The following GABRA4 variants were observed in gnomAD, a reference collection of about 807,000 sequenced individuals.
GABRA4 encodes gamma-aminobutyric acid receptor subunit alpha-4.
In GABRA4, 12 loss-of-function variants were observed where a neutral mutation model predicts 49.7. The observed-to-expected ratio is 0.24, with a 90% CI of 0.15 to 0.39. The LOEUF (loss-of-function observed/expected upper bound fraction) is 0.39. Among genes scored for constraint, GABRA4 ranks in the 10% least tolerant of loss-of-function variants. GABRA4 has a pLI of 1.00. For synonymous variants in GABRA4, 288 were observed against 240.2 expected (o/e 1.20, Z -1.84); for missense variants, 506 against 686.0 (o/e 0.74, Z 2.93).
At position 46,921,953 on chromosome 4, in the gene GABRA4, C is replaced by A. The variant is rs1297026795; in HGVS notation, c.*6272G>T. On this transcript the variant is annotated 3_prime_UTR_variant, in exon 9 of 9. Coordinates refer to ENST00000264318, the MANE Select transcript of GABRA4 (RefSeq NM_000809.4). The stretch of plus-strand genomic sequence containing the variant: ...GATTTCAATAAGTATCATTATCCTG[C>A]GATGTTTCAAACAAAGATGGTTTGT... 1 of 151,808 alleles carries A rather than the reference C, an allele frequency of 6.6e-6. No individual in the cohort carries two copies. The highest frequency in any genetic ancestry group is 2.4e-5 in the African/African-American group (1 of 41,308). The allele number at this position is 151,808 out of a possible 1,614,324, so 9.4% of individuals were successfully genotyped here.
At chr4:46,957,143 G>A (rs919441279) in intron 8 of GABRA4, among the ~76,000 whole-genome samples, 16 of 151,766 alleles carry the variant, frequency 1.1e-4, no homozygotes, top group African/African-American at 3.9e-4. Context: ...CTTATTATAA[G>A]CCTTTCCAGT....
rs1485650109 is a variant in GABRA4 at position 46,925,740 on chromosome 4, A to T, written c.*2485T>A. The T allele has an allele frequency of 8.8e-6, 1 of 113,460 alleles. No individual in the cohort carries two copies. Among genetic ancestry groups the T allele is most frequent in the East Asian group, 3.0e-4 (1 of 3,292 alleles). The allele number at this position is 113,460 out of a possible 1,614,324, so 7.0% of individuals were successfully genotyped here. A position where few individuals can be genotyped will look rare whatever the true frequency, so the allele number is the denominator to read the frequency against. On this transcript the variant is annotated 3_prime_UTR_variant, in exon 9 of 9. Coordinates refer to ENST00000264318, the MANE Select transcript of GABRA4 (RefSeq NM_000809.4). ...TATTATTATTATTATTATTATTATTATTATTATTATTATTATTATCATCAT... is the reference window on the plus strand; with the variant it reads ...TATTATTATTATTATTATTATTATTTTTATTATTATTATTATTATCATCAT...
intron 8 of GABRA4, among the ~76,000 whole-genome samples, chr4:46,936,115 A>G (rs1358215140): frequency 1.3e-5 from 2 of 152,172 alleles, no homozygotes. Flanking sequence ...TTTTAACTGA[A>G]CTATCTACTA....
At chr4:46,967,554 A>G (rs1343817665) in intron 7 of GABRA4, among the ~76,000 whole-genome samples, 2 of 151,554 alleles carry the variant, frequency 1.3e-5, no homozygotes, top group Non-Finnish European at 3.0e-5. Flanking sequence ...TTAAGTGGTG[A>G]TGTGGATTAT....
intron 2 of GABRA4, among the ~76,000 whole-genome samples, chr4:46,989,722 G>A (rs1178060242): frequency 6.6e-6 from 1 of 152,162 alleles, no homozygotes; most frequent in Non-Finnish European, 1.5e-5. Flanking sequence ...TGTTTGAAAT[G>A]GAACACAGCA....
chr4:46,935,116 A>G (rs929643763), intron 8 of GABRA4, among the ~76,000 whole-genome samples: 4 of 152,176 alleles, frequency 2.6e-5, no homozygotes, highest in African/African-American at 9.6e-5. Flanking sequence ...AACAAGCCCT[A>G]TTTGCAGGAA....
intron 8 of GABRA4, among the ~76,000 whole-genome samples, chr4:46,933,562 T>C (rs541511388): frequency 1.3e-5 from 2 of 152,320 alleles, no homozygotes; most frequent in South Asian, 2.1e-4. Flanking sequence ...TTTGCAGTTA[T>C]GTCTCAAGTT....
chr4:46,961,204 A>C (rs900858011), intron 8 of GABRA4, among the ~76,000 whole-genome samples: 1 of 151,888 alleles, frequency 6.6e-6, no homozygotes, highest in Non-Finnish European at 1.5e-5. Context: ...ACCTGCACAC[A>C]CGCCATTCTT....
chr4:46,944,408 A>T (rs1721914355), intron 8 of GABRA4, among the ~76,000 whole-genome samples: 1 of 152,108 alleles, frequency 6.6e-6, no homozygotes, highest in South Asian at 2.1e-4. Context: ...CACAGTGGTA[A>T]ACCCGCTCAT....
intron 8 of GABRA4, among the ~76,000 whole-genome samples, chr4:46,940,574 A>G (rs942738920): frequency 7.2e-5 from 11 of 152,058 alleles, no homozygotes; most frequent in African/African-American, 2.4e-4. Flanking sequence ...GAAGTAGTCA[A>G]TTGGTCATAA....
chr4:46,952,485 A>G (rs899047450), intron 8 of GABRA4, among the ~76,000 whole-genome samples: 3 of 152,154 alleles, frequency 2.0e-5, no homozygotes, highest in Non-Finnish European at 4.4e-5. Context: ...TTTTTCATAC[A>G]TAATATCCTC....
intron 8 of GABRA4, among the ~76,000 whole-genome samples, chr4:46,935,619 T>A (rs1358625203): frequency 2.0e-5 from 3 of 150,472 alleles, no homozygotes; most frequent in African/African-American, 7.4e-5. Context: ...AGTTGAACAA[T>A]GAGAACACAC....
chr4:46,992,934 G>A lies in GABRA4; in HGVS notation c.99C>T (p.Ser33=). The change falls in exon 2 of 9, where the codon TCC becomes TCT. Residue 33 remains serine (S), a synonymous_variant. Coordinates refer to ENST00000264318, the MANE Select transcript of GABRA4 (RefSeq NM_000809.4). ...FLCLAVCLNE[S]PGQNQKEEKL... ...TCTCCTCCTTTTGGTTCTGTCCTGG[G>A]GATTCGTTTAAACTGCAAGCGAAAA... 6.2e-7 allele frequency: 1 copy of A among 1,607,702 alleles called. No homozygotes were observed. Among genetic ancestry groups the A allele is most frequent in the South Asian group, 1.1e-5 (1 of 90,818 alleles).
chr4:46,949,815 AAAAG>A (rs1417967332), intron 8 of GABRA4, among the ~76,000 whole-genome samples: 2 of 152,138 alleles, frequency 1.3e-5, no homozygotes, highest in African/African-American at 2.4e-5. Flanking sequence ...AGTATAAAGA[AAAAG>A]AAATTAGATA....
At chr4:46,941,059 AG>A (rs887257110) in intron 8 of GABRA4, among the ~76,000 whole-genome samples, 4 of 152,104 alleles carry the variant, frequency 2.6e-5, no homozygotes, top group African/African-American at 9.7e-5. Context: ...GAATTGAACC[AG>A]TAGCTGAGTT....
chr4:46,959,692 AAGT>A (rs1722495313), intron 8 of GABRA4, among the ~76,000 whole-genome samples: 1 of 146,918 alleles, frequency 6.8e-6, no homozygotes, highest in African/African-American at 2.5e-5. Context: ...TATTCTGATT[AAGT>A]AGTACTTTGA....
At chr4:46,950,240 A>G (rs915509290) in intron 8 of GABRA4, among the ~76,000 whole-genome samples, 4 of 152,068 alleles carry the variant, frequency 2.6e-5, no homozygotes, top group African/African-American at 9.7e-5. Context: ...CAAACAAGCT[A>G]ACAAAACGAT....
At chr4:46,988,896 T>C (rs536249364) in intron 2 of GABRA4, among the ~76,000 whole-genome samples, 26 of 152,328 alleles carry the variant, frequency 1.7e-4, no homozygotes, top group Non-Finnish European at 3.2e-4. Context: ...AGCTATAAAA[T>C]TGATGGTCAA....
In GABRA4 at chr4:46,921,391, G is replaced by A. The variant is rs1263395724; in HGVS notation, c.*6834C>T. The A allele has an allele frequency of 1.3e-5, 2 of 151,860 alleles. No homozygotes were observed. Among genetic ancestry groups the A allele is most frequent in the East Asian group, 3.9e-4 (2 of 5,174 alleles). 9.4% of individuals were successfully genotyped at this position (151,860 alleles called of 1,614,324 possible). On this transcript the variant is annotated 3_prime_UTR_variant, in exon 9 of 9. Transcript: ENST00000264318. The stretch of plus-strand genomic sequence containing the variant: ...CAAGAGGGAAAAATGAAAATACAAA[G>A]GAAAGGGAAGCAATCTCAGAGGAAA...
Sources: allele counts gnomAD v4.1 joint callset (sites outside exome capture counted in the v4.1 genomes callset), GRCh38; gene constraint gnomAD v4.1.1; transcripts MANE v1.5; gene names NCBI Gene and HGNC (gene_info 2026-07-23, HGNC 2026-07-21).